The following RAD18 variants were observed in gnomAD, a reference collection of about 807,000 sequenced individuals.
RAD18 encodes RAD18 E3 ubiquitin protein ligase.
RAD18 carries 47 observed loss-of-function variants against 60.4 expected under a neutral mutation model. The observed-to-expected ratio is 0.78, with a 90% CI of 0.62 to 0.99. The LOEUF is 0.99. Among genes scored for constraint, RAD18 ranks in the 50% least tolerant of loss-of-function variants. The pLI, the probability that RAD18 is intolerant of heterozygous loss-of-function variation, is 0.00. For missense variants in RAD18, 640 were observed against 593.3 expected (o/e 1.08, Z -0.82); for synonymous variants, 225 against 195.5 (o/e 1.15, Z -1.26).
At chr3:8,930,007 A>G (rs149077584) in intron 7 of RAD18, among the ~76,000 whole-genome samples, 1 of 152,248 alleles carries the variant, frequency 6.6e-6, no homozygotes, top group African/African-American at 2.4e-5. Flanking sequence ...TTTGGACAAT[A>G]GTCTAGCAAT....
rs112381300 is a variant in RAD18 at position 8,898,069 on chromosome 3, C to T, written c.1322+825G>A. Reference sequence around the variant, plus strand: ...GCTGGGCAACAGAGTGAGACTCCGTCTCAAAAAAATGAAAAAAAAAGTATT... The same window carrying T: ...GCTGGGCAACAGAGTGAGACTCCGTTTCAAAAAAATGAAAAAAAAAGTATT... On this transcript the variant is annotated intron_variant, in intron 11 of 12. Coordinates refer to ENST00000264926, the MANE Select transcript of RAD18 (RefSeq NM_020165.4). Among the ~76,000 whole-genome samples the T allele has an allele frequency of 9.6e-3, 1,460 of 151,552 alleles. 29 individuals are homozygous for T. The highest frequency in any genetic ancestry group is 0.034 in the African/African-American group (1,382 of 41,248).
intron 2 of RAD18, among the ~76,000 whole-genome samples, chr3:8,954,009 T>C (rs946690720): frequency 4.6e-5 from 7 of 152,234 alleles, no homozygotes; most frequent in Admixed American, 4.6e-4. Flanking sequence ...TCTTCTTTTA[T>C]ATTCTCATGA....
chr3:8,902,227 T>C (rs1256925664), intron 10 of RAD18, among the ~76,000 whole-genome samples, 153 bp downstream of exon 10: 2 of 152,246 alleles, frequency 1.3e-5, no homozygotes, highest in Non-Finnish European at 2.9e-5. Context: ...ATAAATCTAG[T>C]TTACAAACTG....
chr3:8,945,600 T>C (rs1447444317), intron 4 of RAD18, among the ~76,000 whole-genome samples: 1 of 149,584 alleles, frequency 6.7e-6, no homozygotes, highest in African/African-American at 2.4e-5. Context: ...GCCTCCCAAG[T>C]AGCTGGGATT....
chr3:8,883,426 T>C (rs537986678), intron 12 of RAD18, among the ~76,000 whole-genome samples: 4 of 152,358 alleles, frequency 2.6e-5, no homozygotes. Flanking sequence ...TTCTTTGTTG[T>C]ATATGGCAAC....
In RAD18 at chr3:8,941,896, T is replaced by C. The variant is rs1403288980; in HGVS notation, c.267-92A>G. On this transcript the variant is annotated intron_variant, in intron 4 of 12. Coordinates refer to ENST00000264926, the MANE Select transcript of RAD18 (RefSeq NM_020165.4). Reference sequence around the variant, plus strand: ...AAGCTGTTTTCCCAATTAACCTTGTTTTCTGAAATACAGGACCTATACTAT... The same window carrying C: ...AAGCTGTTTTCCCAATTAACCTTGTCTTCTGAAATACAGGACCTATACTAT... The C allele has an allele frequency of 1.0e-5, 12 of 1,203,830 alleles. No homozygotes were observed. The East Asian group carries it at 2.8e-4, about 28-fold the overall frequency. The allele number at this position is 1,203,830 out of a possible 1,614,324, so 74.6% of individuals were successfully genotyped here.
chr3:8,962,218 G>A (rs192636768), intron 1 of RAD18, among the ~76,000 whole-genome samples: 31 of 152,318 alleles, frequency 2.0e-4, no homozygotes, highest in Admixed American at 1.8e-3. Context: ...GAGAGGTTAA[G>A]TTACTAACCG....
At chr3:8,959,748 A>C (rs770627318) in intron 1 of RAD18, among the ~76,000 whole-genome samples, 2 of 152,134 alleles carry the variant, frequency 1.3e-5, no homozygotes, top group Non-Finnish European at 2.9e-5. Flanking sequence ...ATATTATTCC[A>C]TTCAACAGAA....
intron 11 of RAD18, among the ~76,000 whole-genome samples, chr3:8,891,150 G>A (rs570299906): frequency 2.0e-5 from 3 of 151,244 alleles, no homozygotes; most frequent in Non-Finnish European, 2.9e-5. Flanking sequence ...CCACCCCCAC[G>A]AAAAACAAAA....
At chr3:8,920,090 G>C (rs1249301575) in intron 7 of RAD18, among the ~76,000 whole-genome samples, 1 of 152,112 alleles carries the variant, frequency 6.6e-6, no homozygotes, top group East Asian at 1.9e-4. Context: ...AGACCTTCCT[G>C]GCTAACACGG....
intron 4 of RAD18, among the ~76,000 whole-genome samples, chr3:8,946,054 T>C (rs1940835040): frequency 2.1e-5 from 1 of 46,888 alleles, no homozygotes; most frequent in African/African-American, 1.0e-4. Flanking sequence ...CAGTAGTGTA[T>C]GGTAAGGGCC....
chr3:8,945,281 T>C (rs913372432), intron 4 of RAD18, among the ~76,000 whole-genome samples: 1 of 152,156 alleles, frequency 6.6e-6, no homozygotes, highest in Admixed American at 6.5e-5. Context: ...AAGAAATCTG[T>C]TTATATTTTT....
chr3:8,918,952 T>G (rs1190719811), intron 7 of RAD18, among the ~76,000 whole-genome samples: 4 of 152,182 alleles, frequency 2.6e-5, no homozygotes, highest in African/African-American at 9.7e-5. Flanking sequence ...AGCTGACAAC[T>G]GCACCCTCTC....
intron 12 of RAD18, among the ~76,000 whole-genome samples, chr3:8,888,913 C>T (rs899999604): frequency 1.3e-5 from 2 of 152,218 alleles, no homozygotes; most frequent in South Asian, 2.1e-4. Context: ...GAACTCTGGG[C>T]TCATAGTCAC....
At chr3:8,959,051 A>G (rs2124847763) in intron 1 of RAD18, 50 bp from the exon 2 acceptor site, 2 of 1,472,298 alleles carry the variant, frequency 1.4e-6, no homozygotes, top group Non-Finnish European at 1.9e-6. Context: ...TCAAAATTGG[A>G]AGTCCTGTCA....
intron 7 of RAD18, chr3:8,931,657 CTG>C (rs1940555155): frequency 6.6e-6 from 1 of 152,204 alleles, no homozygotes; most frequent in South Asian, 2.1e-4. Flanking sequence ...AACAACAAAA[CTG>C]AGTCTAACAT....
intron 4 of RAD18, 164 bp downstream of exon 4, chr3:8,947,056 T>C: frequency 1.6e-6 from 1 of 609,926 alleles, no homozygotes; most frequent in Admixed American, 2.9e-5. Context: ...GAAGAAAATC[T>C]TACTCTAGTA....
intron 7 of RAD18, among the ~76,000 whole-genome samples, chr3:8,922,655 G>A (rs539882924): frequency 5.3e-5 from 8 of 152,296 alleles, no homozygotes; most frequent in South Asian, 2.1e-4. Flanking sequence ...GCCTAACTGG[G>A]AGGCACCTCC....
intron 7 of RAD18, among the ~76,000 whole-genome samples, chr3:8,927,606 C>T (rs937711880): frequency 6.6e-6 from 1 of 152,198 alleles, no homozygotes; most frequent in African/African-American, 2.4e-5. Context: ...AAGACACATG[C>T]ACACATATGT....
Sources: gnomAD v4.1 joint callset for allele counts (sites outside exome capture counted in the v4.1 genomes callset) on GRCh38, gnomAD v4.1.1 for gene constraint, MANE v1.5 for transcripts, NCBI Gene and HGNC (gene_info 2026-07-23, HGNC 2026-07-21) for gene names.